EFR3A: variants seen among roughly 807,000 people sequenced by gnomAD.
The protein encoded by EFR3A is protein EFR3 homolog A.
In EFR3A, 76 loss-of-function variants were observed where a neutral mutation model predicts 104.4. The ratio of observed to expected loss-of-function variants is 0.73; its 90% CI spans 0.60 to 0.88. EFR3A has a LOEUF of 0.88. Among genes scored for constraint, EFR3A ranks in the 40% least tolerant of loss-of-function variants. The probability of loss-of-function intolerance (pLI) is 0.00; values close to 1 mark genes in which losing one functional copy is unlikely to be tolerated. For missense variants in EFR3A, 985 were observed against 1,012.5 expected, an observed-to-expected ratio of 0.97 and a Z score of 0.37; for synonymous variants, 330 against 330.0, an observed-to-expected ratio of 1.00 and a Z score of 0.00.
intron 1 of EFR3A, among the ~76,000 whole-genome samples, chr8:131,916,055 C>G (rs1269611500): frequency 2.6e-5 from 4 of 152,056 alleles, no homozygotes; most frequent in African/African-American, 4.8e-5. Flanking sequence ...TTTAGAGGGC[C>G]TATGGTTTCT....
intron 5 of EFR3A, among the ~76,000 whole-genome samples, chr8:131,953,068 T>A (rs777531954): frequency 1.3e-5 from 2 of 152,274 alleles, no homozygotes; most frequent in Non-Finnish European, 2.9e-5. Context: ...TTTTAGAAAC[T>A]GTTTTCTAGT....
In EFR3A at chr8:131,906,573, A is replaced by G. The variant is rs1447408859; in HGVS notation, c.10+2251A>G. Among the ~76,000 whole-genome samples the G allele has an allele frequency of 2.0e-5, 3 of 152,198 alleles. No individual in the cohort carries two copies. The South Asian group carries it at 6.2e-4, about 32-fold the overall frequency. ...ATTGGTACTCATTGAAACTGTTGTT[A>G]ATAACTAGAATCCAGTGAAGCATGC... On this transcript the variant is annotated intron_variant, in intron 1 of 22. Coordinates refer to ENST00000254624, the MANE Select transcript of EFR3A (RefSeq NM_015137.6).
chr8:131,938,773 G>T (rs1410192495), intron 1 of EFR3A, among the ~76,000 whole-genome samples: 1 of 152,118 alleles, frequency 6.6e-6, no homozygotes, highest in African/African-American at 2.4e-5. Context: ...TGGAATTGCA[G>T]TTCCTCAGAT....
chr8:131,963,760 C>T (rs1268295532), intron 8 of EFR3A, among the ~76,000 whole-genome samples: 1 of 152,092 alleles, frequency 6.6e-6, no homozygotes, highest in Non-Finnish European at 1.5e-5. Context: ...CTGGCAGAGA[C>T]ACATCAAAAA....
At position 131,953,929 on chromosome 8, in the gene EFR3A, C is replaced by T. The variant is rs1321249713; in HGVS notation, c.600C>T (p.Ser200=). The change falls in exon 6 of 23, where the codon TCC becomes TCT. Residue 200 remains serine, a synonymous_variant. Transcript: ENST00000254624. The part of the protein sequence containing the change: ...EPQHMDKIVP[S]LLFNMQKIEE... ...AGCATATGGATAAGATTGTTCCATC[C>T]CTCCTGTTTAACATGCAAAAGATAG... 1.9e-6 allele frequency: 3 copies of T among 1,564,684 alleles called. No individual in the cohort carries two copies. Among genetic ancestry groups the T allele is most frequent in the East Asian group, 2.3e-5 (1 of 43,262 alleles).
intron 14 of EFR3A, 22 bp from the exon 15 acceptor site, chr8:131,984,117 G>C (rs943802945): frequency 1.2e-5 from 19 of 1,573,310 alleles, no homozygotes; most frequent in Non-Finnish European, 1.3e-5. Flanking sequence ...AATTACCTTT[G>C]TCCTCTGTCT....
At chr8:132,009,032 A>T (rs913218479) in intron 22 of EFR3A, among the ~76,000 whole-genome samples, 1 of 151,980 alleles carries the variant, frequency 6.6e-6, no homozygotes, top group South Asian at 2.1e-4. Flanking sequence ...TATTGTAAAT[A>T]CTGGAACAAT....
intron 12 of EFR3A, among the ~76,000 whole-genome samples, chr8:131,977,545 G>A (rs1009703207): frequency 6.6e-6 from 1 of 152,118 alleles, no homozygotes; most frequent in African/African-American, 2.4e-5. Flanking sequence ...ATTTGAAGTG[G>A]CTATAAGTAG....
At chr8:131,976,239 A>G (rs1015238613) in intron 11 of EFR3A, 98 bp downstream of exon 11, 6 of 776,548 alleles carry the variant, frequency 7.7e-6, no homozygotes, top group South Asian at 3.3e-5. Flanking sequence ...TTTAAAAATC[A>G]TTAGTAATAG....
At chr8:131,975,456 G>A (rs1011072297) in intron 10 of EFR3A, among the ~76,000 whole-genome samples, 2 of 63,956 alleles carry the variant, frequency 3.1e-5, no homozygotes, top group African/African-American at 1.2e-4. Context: ...TGCTCTTGTT[G>A]CCCAGGCTGG....
intron 1 of EFR3A, among the ~76,000 whole-genome samples, chr8:131,924,837 A>G (rs1218270127): frequency 6.6e-6 from 1 of 151,954 alleles, no homozygotes; most frequent in Non-Finnish European, 1.5e-5. Context: ...GCTTTTCTAG[A>G]CTTCGATTTT....
intron 4 of EFR3A, among the ~76,000 whole-genome samples, chr8:131,949,302 A>G (rs1347589407): frequency 1.3e-5 from 2 of 152,086 alleles, no homozygotes; most frequent in African/African-American, 2.4e-5. Context: ...CATTTTATAG[A>G]TGAGGAATTA....
At chr8:131,966,825 A>C (rs184611553) in intron 8 of EFR3A, among the ~76,000 whole-genome samples, 22 of 152,288 alleles carry the variant, frequency 1.4e-4, no homozygotes, top group Non-Finnish European at 2.6e-4. Context: ...ACCATAGGTA[A>C]ATGAAACCTC....
At chr8:131,919,726 ATCTTT>A (rs951167561) in intron 1 of EFR3A, among the ~76,000 whole-genome samples, 2 of 152,012 alleles carry the variant, frequency 1.3e-5, no homozygotes, top group African/African-American at 4.8e-5. Context: ...CAGATGCTCC[ATCTTT>A]TCTTCTCCCT....
chr8:131,926,106 T>C (rs1554590953), intron 1 of EFR3A, among the ~76,000 whole-genome samples: 1 of 151,614 alleles, frequency 6.6e-6, no homozygotes, highest in Non-Finnish European at 1.5e-5. Context: ...TAAGACTAGA[T>C]AAAAAAAAGA....
intron 5 of EFR3A, 133 bp downstream of exon 5, chr8:131,950,223 A>G (rs1182203560): frequency 7.2e-6 from 7 of 978,984 alleles, no homozygotes; most frequent in East Asian, 5.6e-5. Context: ...GTTAGAAGCT[A>G]TAATTGCTGA....
intron 10 of EFR3A, among the ~76,000 whole-genome samples, chr8:131,972,607 C>CT (rs1300676894): frequency 2.6e-5 from 4 of 151,894 alleles, no homozygotes; most frequent in Non-Finnish European, 4.4e-5. Flanking sequence ...TCTAATTTAA[C>CT]TTTTTTCTTT....
chr8:132,002,512 G>A (rs1821831576), intron 20 of EFR3A, 91 bp from the exon 21 acceptor site: 2 of 961,980 alleles, frequency 2.1e-6, no homozygotes, highest in East Asian at 2.7e-5. Context: ...CCTTAATTTT[G>A]GATGATATAT....
intron 22 of EFR3A, 69 bp downstream of exon 22, chr8:132,003,354 T>C (rs1821883939): frequency 7.2e-7 from 1 of 1,388,118 alleles, no homozygotes. Context: ...CCCCTATGAA[T>C]TTGTGGTTCA....
Sources: allele counts gnomAD v4.1 joint callset (sites outside exome capture counted in the v4.1 genomes callset), GRCh38; gene constraint gnomAD v4.1.1; transcripts MANE v1.5; gene names NCBI Gene and HGNC (gene_info 2026-07-23, HGNC 2026-07-21).